Variants in PGPEP1L observed in about 807,000 individuals in gnomAD.
PGPEP1L encodes pyroglutamyl-peptidase I like.
Under a neutral mutation model 6.0 loss-of-function variants are expected in PGPEP1L, and 7 were observed. The ratio of observed to expected loss-of-function variants is 1.17; its 90% CI spans 0.66 to 2.19. The LOEUF (loss-of-function observed/expected upper bound fraction) is 2.19, where lower values mean the gene tolerates loss of function less well. Among genes scored for constraint, PGPEP1L ranks in the 30% most tolerant of loss-of-function variants. PGPEP1L has a pLI of 0.00. For missense variants in PGPEP1L, 209 were observed against 192.5 expected (o/e 1.09, Z -0.51); for synonymous variants, 103 against 83.9 (o/e 1.23, Z -1.24).
At chr15:98,970,822 C>T (rs2017482674) in intron 3 of PGPEP1L, among the ~76,000 whole-genome samples, 1 of 152,192 alleles carries the variant, frequency 6.6e-6, no homozygotes, top group Admixed American at 6.5e-5. Flanking sequence ...TCCTTTCTCT[C>T]CAGATTTTCT....
rs775658480 is a variant in PGPEP1L, at chr15:98,971,039, C to CG, written c.-23dup. ...ACTGCCTCTGGCCATCACTTACTTGCGGCTGATGATCTTCCCAGATTCCGG... is the reference window on the plus strand; with the variant it reads ...ACTGCCTCTGGCCATCACTTACTTGCGGGCTGATGATCTTCCCAGATTCCGG... On this transcript the variant is annotated 5_prime_UTR_variant, in exon 3 of 5. Coordinates refer to ENST00000535714, the MANE Select transcript of PGPEP1L (RefSeq NM_001167902.2). 2 of 1,613,532 alleles carry CG rather than the reference C, an allele frequency of 1.2e-6. No homozygotes were observed. Among genetic ancestry groups the CG allele is most frequent in the South Asian group, 2.2e-5 (2 of 91,046 alleles).
intron 2 of PGPEP1L, among the ~76,000 whole-genome samples, chr15:99,002,950 C>T (rs1276756299): frequency 6.6e-6 from 1 of 152,140 alleles, no homozygotes; most frequent in Non-Finnish European, 1.5e-5. Context: ...GGCCTTTAGA[C>T]TAGGAACCAG....
intron 2 of PGPEP1L, among the ~76,000 whole-genome samples, chr15:98,981,646 A>G (rs1406348208): frequency 6.6e-6 from 1 of 152,168 alleles, no homozygotes; most frequent in Admixed American, 6.5e-5. Flanking sequence ...GCATTAGGGG[A>G]AACTGAGGGA....
At chr15:98,983,147 G>A (rs1181889316) in intron 2 of PGPEP1L, among the ~76,000 whole-genome samples, 6 of 88,502 alleles carry the variant, frequency 6.8e-5, no homozygotes, top group African/African-American at 2.7e-4. Context: ...GAAGAATAAA[G>A]GTTCTCTTGG....
In PGPEP1L at chr15:98,968,701, C is replaced by T. The variant is rs1179326086; in HGVS notation, c.210-4G>A. ...ATAGGTATAATCACAGACGTATCTG[C>T]AACCACAGGAAATGCCACATTAATT... is the stretch of plus-strand genomic sequence containing the variant. On this transcript the variant is annotated splice_polypyrimidine_tract_variant and splice_region_variant and intron_variant, in intron 4 of 4. Coordinates refer to ENST00000535714, the MANE Select transcript of PGPEP1L (RefSeq NM_001167902.2). The T allele has an allele frequency of 8.3e-6, 13 of 1,557,672 alleles. No individual in the cohort carries two copies. Among genetic ancestry groups the T allele is most frequent in the Non-Finnish European group, 1.1e-5 (13 of 1,150,358 alleles).
rs549213973 is a variant in PGPEP1L at position 98,975,812 on chromosome 15, C to T, written c.-141-4654G>A. 2.0e-5 allele frequency among the ~76,000 whole-genome samples: 3 copies of T among 152,120 alleles called. No homozygotes were observed. The East Asian group carries it at 5.8e-4, about 29-fold the overall frequency. ...AGGAGAATCGCTTTAACCCAGGAGG[C>T]GGAGGTTGCAGTGAGACAAGATCAC... On this transcript the variant is annotated intron_variant, in intron 2 of 4. Transcript: ENST00000535714.
At chr15:99,006,548 G>A (rs2018066564) in intron 1 of PGPEP1L, among the ~76,000 whole-genome samples, 1 of 152,212 alleles carries the variant, frequency 6.6e-6, no homozygotes, top group Non-Finnish European at 1.5e-5. Flanking sequence ...CAAACTTTTG[G>A]CCAGGTGCAC....
intron 2 of PGPEP1L, among the ~76,000 whole-genome samples, chr15:98,973,144 A>G (rs1012311927): frequency 6.6e-5 from 10 of 152,350 alleles, no homozygotes; most frequent in African/African-American, 2.2e-4. Flanking sequence ...CAAAGGGATC[A>G]ATAAAGCAAG....
At chr15:99,001,179 ACACT>A (rs1479643194) in intron 2 of PGPEP1L, 7 of 442,094 alleles carry the variant, frequency 1.6e-5, no homozygotes, top group Middle Eastern at 3.4e-4. Context: ...AAGAACTGTA[ACACT>A]CACCACGAGA....
chr15:98,980,467 CAAAT>C (rs2017641905), intron 2 of PGPEP1L, among the ~76,000 whole-genome samples: 1 of 151,996 alleles, frequency 6.6e-6, no homozygotes, highest in South Asian at 2.1e-4. Context: ...CATAAGTAAA[CAAAT>C]AAGTAAGTGG....
chr15:98,977,431 T>A (rs2017586382), intron 2 of PGPEP1L, among the ~76,000 whole-genome samples: 1 of 152,252 alleles, frequency 6.6e-6, no homozygotes, highest in South Asian at 2.1e-4. Context: ...CCTTTTTATG[T>A]CTCCTTTCAT....
intron 2 of PGPEP1L, among the ~76,000 whole-genome samples, chr15:98,973,141 A>G (rs1269742799): frequency 1.3e-5 from 2 of 152,220 alleles, no homozygotes; most frequent in African/African-American, 4.8e-5. Flanking sequence ...TGACAAAGGG[A>G]TCAATAAAGC....
chr15:98,971,331 T>A (rs1339067314), intron 2 of PGPEP1L, among the ~76,000 whole-genome samples, 173 bp from the exon 3 acceptor site: 2 of 151,878 alleles, frequency 1.3e-5, no homozygotes, highest in Non-Finnish European at 2.9e-5. Context: ...AGAGCCACAG[T>A]TCCTACCAGA....
chr15:98,970,993 A>AC lies in PGPEP1L; in HGVS notation c.-19+42dup, dbSNP rs1450870485. On this transcript the variant is annotated intron_variant, in intron 3 of 4. Coordinates refer to ENST00000535714, the MANE Select transcript of PGPEP1L (RefSeq NM_001167902.2). ...CCGGGGGTTCAGAGGCTCCAGCTCC[A>AC]CATCGCCAGTCCCATGCCCCACTGC... 5 of 1,609,180 alleles carry AC rather than the reference A, an allele frequency of 3.1e-6. No individual in the cohort carries two copies. In the Admixed American group the frequency reaches 8.4e-5, roughly 27 times the overall value.
At chr15:98,980,717 A>C (rs567501923) in intron 2 of PGPEP1L, among the ~76,000 whole-genome samples, 3 of 152,154 alleles carry the variant, frequency 2.0e-5, no homozygotes, top group African/African-American at 7.2e-5. Flanking sequence ...GGATCACCTG[A>C]GGTCAGGAGT....
In PGPEP1L at chr15:98,986,298, G is replaced by C. The variant is rs531528850; in HGVS notation, c.-141-15140C>G. Among the ~76,000 whole-genome samples, 7 of 152,366 alleles carry C rather than the reference G, an allele frequency of 4.6e-5. No individual in the cohort carries two copies. The East Asian group carries it at 1.3e-3, about 29-fold the overall frequency. On this transcript the variant is annotated intron_variant, in intron 2 of 4. Coordinates refer to ENST00000535714, the MANE Select transcript of PGPEP1L (RefSeq NM_001167902.2). ...CCAGAAAAAAACAATCAAGTGATCA[G>C]AGAGTTAGGCTTTCTGGTACCAGAT...
intron 1 of PGPEP1L, among the ~76,000 whole-genome samples, chr15:99,006,491 G>A (rs2018065349): frequency 6.6e-6 from 1 of 152,240 alleles, no homozygotes; most frequent in Non-Finnish European, 1.5e-5. Context: ...CGAAAAAGCT[G>A]TTTTCCAATA....
chr15:98,994,989 G>C (rs550589968), intron 2 of PGPEP1L, among the ~76,000 whole-genome samples: 1 of 152,036 alleles, frequency 6.6e-6, no homozygotes, highest in East Asian at 1.9e-4. Flanking sequence ...CCTTGTTTTT[G>C]GTATTCTGTA....
At chr15:98,994,060 G>A (rs569306393) in intron 2 of PGPEP1L, among the ~76,000 whole-genome samples, 13 of 152,160 alleles carry the variant, frequency 8.5e-5, no homozygotes, top group African/African-American at 2.7e-4. Flanking sequence ...GAGGTCAGGA[G>A]ATCGAGACCA....
Sources: gnomAD v4.1 joint callset for allele counts (sites outside exome capture counted in the v4.1 genomes callset) on GRCh38, gnomAD v4.1.1 for gene constraint, MANE v1.5 for transcripts, NCBI Gene and HGNC (gene_info 2026-07-23, HGNC 2026-07-21) for gene names.